ING3: variants seen among roughly 807,000 people sequenced by gnomAD.
ING3 encodes inhibitor of growth protein 3.
ING3 carries 6 observed loss-of-function variants against 64.8 expected under a neutral mutation model. That is an observed-to-expected ratio of 0.09 (90% confidence interval 0.05 to 0.18). The LOEUF (loss-of-function observed/expected upper bound fraction) is 0.18. Ranked by LOEUF, ING3 falls within the 10% of genes least tolerant of loss-of-function variation. ING3 has a pLI of 1.00. For missense variants in ING3, 310 were observed against 489.7 expected (o/e 0.63, Z 3.46); for synonymous variants, 170 against 173.7 (o/e 0.98, Z 0.17).
chr7:120,968,936 T>C (rs994454040), intron 8 of ING3, 75 bp from the exon 9 acceptor site: 11 of 878,156 alleles, frequency 1.3e-5, no homozygotes, highest in Middle Eastern at 3.3e-4. Context: ...AAAATAAAAC[T>C]ATAATTTGTA....
chr7:120,976,525 T>C lies in ING3; in HGVS notation c.*1681T>C, dbSNP rs1360833823. 1 of 152,074 alleles carries C rather than the reference T, an allele frequency of 6.6e-6. No individual in the cohort carries two copies. Among genetic ancestry groups the C allele is most frequent in the African/African-American group, 2.4e-5 (1 of 41,322 alleles). 9.4% of individuals were successfully genotyped at this position (152,074 alleles called of 1,614,324 possible). A position where few individuals can be genotyped will look rare whatever the true frequency, so the allele number is the denominator to read the frequency against. On this transcript the variant is annotated 3_prime_UTR_variant, in exon 12 of 12. Transcript: ENST00000315870. The stretch of plus-strand genomic sequence containing the variant: ...TATCACGATTTCATGATACTCAATA[T>C]TTTGAGATTTTATAACCCTTTAAGA...
chr7:120,964,167 G>A (rs1795969421), intron 4 of ING3, among the ~76,000 whole-genome samples: 1 of 152,058 alleles, frequency 6.6e-6, no homozygotes, highest in Admixed American at 6.6e-5. Context: ...TTGAGGAATG[G>A]AGTTTTCTGG....
chr7:120,955,748 C>T (rs2116654568), intron 4 of ING3, 124 bp downstream of exon 4: 1 of 661,026 alleles, frequency 1.5e-6, no homozygotes, highest in Non-Finnish European at 2.6e-6. Flanking sequence ...CTCTTGATCA[C>T]ATCTAATTTG....
At chr7:120,955,403 C>T (rs891570518) in intron 3 of ING3, among the ~76,000 whole-genome samples, 156 bp from the exon 4 acceptor site, 10 of 152,284 alleles carry the variant, frequency 6.6e-5, no homozygotes, top group South Asian at 2.1e-4. Flanking sequence ...GGATTACAGG[C>T]GTGAGCCACT....
Position 120,970,780 on chromosome 7 carries a change from A to G in ING3, c.1001A>G (p.Glu334Gly). The change falls in exon 10 of 12, where the codon GAA (glutamate) becomes GGA (glycine). Residue 334 changes from glutamate (E) to glycine (G), a missense_variant. This residue lies in a region of ING3 where 233 missense variants were observed against 289.4 expected (regional missense o/e 0.81). Transcript: ENST00000315870. ...TCTTCATCATCAACTGTTGTACAAG[A>G]AATCTCTCAACAAACAACTGTAGTG... ...SCSSSSTVVQ[E>G]ISQQTTVVPE... The G allele has an allele frequency of 6.2e-7, 1 of 1,613,896 alleles. No individual in the cohort carries two copies. The highest frequency in any genetic ancestry group is 8.5e-7 in the Non-Finnish European group (1 of 1,179,838).
intron 10 of ING3, among the ~76,000 whole-genome samples, 176 bp from the exon 11 acceptor site, chr7:120,973,029 C>T (rs890144099): frequency 6.6e-6 from 1 of 152,086 alleles, no homozygotes; most frequent in Non-Finnish European, 1.5e-5. Context: ...CCACCCTTGC[C>T]CCACCCTGCC....
rs138366668 is a variant in ING3, at chr7:120,955,601, T to C, written c.244T>C (p.Leu82=). 3 of 1,610,918 alleles carry C rather than the reference T, an allele frequency of 1.9e-6. No homozygotes were observed. Among genetic ancestry groups the C allele is most frequent in the African/African-American group, 2.7e-5 (2 of 74,978 alleles). The change falls in exon 4 of 12, where the codon TTG becomes CTG. Residue 82 remains leucine (L), a synonymous_variant. Transcript: ENST00000315870. The part of the protein sequence containing the change: ...ALEDADEKVQ[L]ANQIYDLVDR... ...GGAAGATGCAGATGAGAAGGTTCAG[T>C]TGGCAAACCAGATATATGACTTGGT...
At chr7:120,971,133 G>A (rs1356275268) in intron 10 of ING3, among the ~76,000 whole-genome samples, 1 of 152,140 alleles carries the variant, frequency 6.6e-6, no homozygotes, top group Non-Finnish European at 1.5e-5. Context: ...TACCTCATGT[G>A]CACATTGGCT....
intron 4 of ING3, chr7:120,956,916 C>A (rs920495597): frequency 2.1e-5 from 13 of 617,952 alleles, no homozygotes; most frequent in Non-Finnish European, 2.2e-5. Flanking sequence ...GCTTGTTAGA[C>A]CTTTACTAAA....
intron 2 of ING3, among the ~76,000 whole-genome samples, chr7:120,951,754 C>A (rs138842360): frequency 2.6e-5 from 4 of 152,148 alleles, no homozygotes; most frequent in African/African-American, 9.7e-5. Flanking sequence ...GTAACAGAAT[C>A]GTCATTTTCT....
chr7:120,969,002 C>T lies in ING3; in HGVS notation c.715-9C>T. The T allele has an allele frequency of 6.3e-7, 1 of 1,578,950 alleles. No individual in the cohort carries two copies. Among genetic ancestry groups the T allele is most frequent in the East Asian group, 2.2e-5 (1 of 44,492 alleles). ...ATATATTGATGCTATCAATGAATGTCTATTTAAGATGAAGGAGGGACGAAG... is the reference window on the plus strand; with the variant it reads ...ATATATTGATGCTATCAATGAATGTTTATTTAAGATGAAGGAGGGACGAAG... On this transcript the variant is annotated splice_polypyrimidine_tract_variant and intron_variant, in intron 8 of 11. Transcript: ENST00000315870.
At chr7:120,973,329 G>A in intron 11 of ING3, 86 bp downstream of exon 11, 1 of 905,450 alleles carries the variant, frequency 1.1e-6, no homozygotes, top group Non-Finnish European at 1.8e-6. Context: ...TGTATGGTTT[G>A]GTCTAAGAAA....
In ING3 at chr7:120,964,775, C is replaced by A; in HGVS notation, c.301C>A (p.Leu101Met). 2 of 1,613,716 alleles carry A rather than the reference C, an allele frequency of 1.2e-6. No homozygotes were observed. The highest frequency in any genetic ancestry group is 1.7e-6 in the Non-Finnish European group (2 of 1,179,728). Residue 101 changes from leucine (L) to methionine (M), a missense_variant, in exon 5 of 12, where the codon CTG becomes ATG. Leu to Met is a conservative substitution (Grantham distance 15). Transcript: ENST00000315870. ...ACACTTGAGAAAGCTGGATCAGGAA[C>A]TGGCTAAGTTTAAAATGGAGCTGGA... ...DRHLRKLDQE[L>M]AKFKMELEAD...
chr7:120,969,288 AGGCAGGATATAAC>A, intron 9 of ING3, 84 bp downstream of exon 9: 1 of 1,059,688 alleles, frequency 9.4e-7, no homozygotes, highest in Non-Finnish European at 1.4e-6. Context: ...TCTATGTTAA[AGGCAGGATATAAC>A]GGATTAAAAT....
chr7:120,967,093 A>G (rs1394749114), intron 6 of ING3, among the ~76,000 whole-genome samples: 1 of 152,172 alleles, frequency 6.6e-6, no homozygotes, highest in African/African-American at 2.4e-5. Flanking sequence ...AATGTTTGGC[A>G]TATAATTAAG....
chr7:120,966,700 A>G lies in ING3; in HGVS notation c.436+3A>G. On this transcript the variant is annotated splice_donor_region_variant and intron_variant, in intron 6 of 11. Transcript: ENST00000315870. ...TCATTCACATACTCCAGTGGAAAGT[A>G]AGTTTGGTGTAGTGCAGCTAAGTTT... 3 of 1,607,828 alleles carry G rather than the reference A, an allele frequency of 1.9e-6. No individual in the cohort carries two copies. Among genetic ancestry groups the G allele is most frequent in the Non-Finnish European group, 1.7e-6 (2 of 1,174,246 alleles).
intron 8 of ING3, 62 bp downstream of exon 8, chr7:120,968,153 T>C (rs1210726871): frequency 2.3e-5 from 33 of 1,442,554 alleles, no homozygotes; most frequent in Non-Finnish European, 3.1e-5. Context: ...GGAAACCTAA[T>C]AGAAATAACG....
In ING3 at chr7:120,954,433, C is replaced by CA. The variant is rs936907087; in HGVS notation, c.201+1041dup. ...AGAGTGACAGAGTGAGACTCCGTCT[C>CA]AAAAAAAAAAAAGGGTCCACTAAGG... On this transcript the variant is annotated intron_variant, in intron 3 of 11. Coordinates refer to ENST00000315870, the MANE Select transcript of ING3 (RefSeq NM_019071.3). Among the ~76,000 whole-genome samples, 130 of 110,650 alleles carry CA rather than the reference C, an allele frequency of 1.2e-3. 1 individual carries two copies. The highest frequency in any genetic ancestry group is 2.1e-3 in the African/African-American group (63 of 29,478). The allele number at this position is 110,650 out of a possible 152,430, so 72.6% of individuals were successfully genotyped here.
intron 4 of ING3, chr7:120,956,220 A>G (rs1055906491): frequency 1.9e-6 from 3 of 1,598,274 alleles, no homozygotes; most frequent in Admixed American, 3.4e-5. Context: ...TATTTCTCAT[A>G]TTGATGCAAT....
Sources: gnomAD v4.1 joint callset for allele counts (sites outside exome capture counted in the v4.1 genomes callset) on GRCh38, gnomAD v4.1.1 for gene constraint, gnomAD v4.1.1 regional missense constraint, MANE v1.5 for transcripts, NCBI Gene and HGNC (gene_info 2026-07-23, HGNC 2026-07-21) for gene names.